RAB11FIP3: variants seen among roughly 807,000 people sequenced by gnomAD.
The protein encoded by RAB11FIP3 is RAB11 family interacting protein 3.
Under a neutral mutation model 77.8 loss-of-function variants are expected in RAB11FIP3, and 17 were observed. The ratio of observed to expected loss-of-function variants is 0.22; its 90% CI spans 0.15 to 0.33. The LOEUF is 0.33. RAB11FIP3 is among the 10% of genes least tolerant of loss of function. RAB11FIP3 has a pLI of 1.00. For missense variants in RAB11FIP3, 1,005 were observed against 1,011.2 expected (o/e 0.99, Z 0.08); for synonymous variants, 437 against 448.2 (o/e 0.98, Z 0.31).
rs117287674 is a variant in RAB11FIP3 at position 517,718 on chromosome 16, C to G, written c.1641-1225C>G. On this transcript the variant is annotated intron_variant, in intron 9 of 13. Coordinates refer to ENST00000262305, the MANE Select transcript of RAB11FIP3 (RefSeq NM_014700.4). ...ATAACACCACAGTGAAGAACAGTGA[C>G]CACACCAAGGGAGGCCAGTGCAGGG... is the stretch of plus-strand genomic sequence containing the variant. Among the ~76,000 whole-genome samples the G allele has an allele frequency of 7.2e-5, 11 of 152,332 alleles. No homozygotes were observed. In the East Asian group the frequency reaches 1.7e-3, roughly 24 times the overall value.
intron 7 of RAB11FIP3, 97 bp downstream of exon 7, chr16:503,194 C>T (rs2031627841): frequency 9.6e-6 from 9 of 939,102 alleles, no homozygotes; most frequent in Non-Finnish European, 1.4e-5. Flanking sequence ...GGGGACAGCA[C>T]AGCCGGAGGT....
At position 507,641 on chromosome 16, in the gene RAB11FIP3, G is replaced by C. The variant is rs115912087; in HGVS notation, c.1499+2014G>C. Among the ~76,000 whole-genome samples, 2 of 152,192 alleles carry C rather than the reference G, an allele frequency of 1.3e-5. No individual in the cohort carries two copies. Among genetic ancestry groups the C allele is most frequent in the Non-Finnish European group, 2.9e-5 (2 of 68,036 alleles). Reference sequence around the variant, plus strand: ...TGTGTGGTGTGAAGTCCACACTGCCGCCTGGCACCACCCACTGACCGTCTG... The same window carrying C: ...TGTGTGGTGTGAAGTCCACACTGCCCCCTGGCACCACCCACTGACCGTCTG... On this transcript the variant is annotated intron_variant, in intron 8 of 13. Transcript: ENST00000262305. This position sits in a 1 kb window ranked among gnomAD's most constrained non-coding sequence, Gnocchi z 4.6.
chr16:482,882 C>T (rs2056075022), intron 4 of RAB11FIP3, 146 bp downstream of exon 4: 1 of 850,930 alleles, frequency 1.2e-6, no homozygotes, highest in Admixed American at 2.5e-5. Flanking sequence ...GCAGTAGCTC[C>T]TGACCTTCCT....
chr16:508,315 G>T (rs942323012), intron 8 of RAB11FIP3, among the ~76,000 whole-genome samples: 10 of 152,192 alleles, frequency 6.6e-5, no homozygotes, highest in African/African-American at 1.7e-4. Context: ...CTTGGAGGAG[G>T]ATCTTGTATT....
chr16:456,283 C>G (rs910354375), intron 1 of RAB11FIP3, among the ~76,000 whole-genome samples: 1 of 151,674 alleles, frequency 6.6e-6, no homozygotes, highest in Non-Finnish European at 1.5e-5. Flanking sequence ...AACATTGTCT[C>G]TACCAAAAAT....
intron 9 of RAB11FIP3, among the ~76,000 whole-genome samples, chr16:517,269 G>A (rs1338006816): frequency 2.6e-5 from 4 of 152,156 alleles, no homozygotes; most frequent in East Asian, 3.9e-4. Flanking sequence ...GGGGACGGAG[G>A]AGACAAAATG....
chr16:465,046 C>G (rs1241755820), intron 2 of RAB11FIP3, among the ~76,000 whole-genome samples: 1 of 152,108 alleles, frequency 6.6e-6, no homozygotes, highest in Non-Finnish European at 1.5e-5. Context: ...TGCTTCTTTT[C>G]TAATCATTGG....
chr16:458,816 CCACACTTCTTT>C (rs1429205113), intron 1 of RAB11FIP3, among the ~76,000 whole-genome samples: 3 of 152,202 alleles, frequency 2.0e-5, no homozygotes, highest in African/African-American at 7.2e-5. Context: ...TCTCCCTGGC[CCACACTTCTTT>C]CTTCTTTGCT....
intron 5 of RAB11FIP3, among the ~76,000 whole-genome samples, chr16:492,508 C>T (rs1347387234): frequency 1.7e-5 from 2 of 119,690 alleles, no homozygotes; most frequent in Non-Finnish European, 2.0e-5. Context: ...CCGAGGCCGC[C>T]CAGGGCCCTC....
rs541189604 is a variant in RAB11FIP3 at position 439,655 on chromosome 16, A to G, written c.714+12935A>G. ...CGTGACACAGCCTCAGGTACTCCTG[A>G]TGACATGTGCCCAAGGTGACTGGGG... On this transcript the variant is annotated intron_variant, in intron 1 of 13. Coordinates refer to ENST00000262305, the MANE Select transcript of RAB11FIP3 (RefSeq NM_014700.4). Among the ~76,000 whole-genome samples the G allele has an allele frequency of 7.9e-5, 12 of 152,240 alleles. No individual in the cohort carries two copies. In the East Asian group the frequency reaches 2.1e-3, roughly 27 times the overall value.
At chr16:501,444 A>G (rs768240864) in intron 6 of RAB11FIP3, among the ~76,000 whole-genome samples, 35 of 150,020 alleles carry the variant, frequency 2.3e-4, no homozygotes, top group Middle Eastern at 3.4e-3. Flanking sequence ...TTCATAGGCA[A>G]GGAAGCTCGG....
rs202238683 is a variant in RAB11FIP3, at chr16:439,792, A to C, written c.714+13072A>C. ...GACAACTCCAAGCAAAGGCAGGAAGACATGAAGCAGGGAGGGGCTTCCAGG... is the reference window on the plus strand; with the variant it reads ...GACAACTCCAAGCAAAGGCAGGAAGCCATGAAGCAGGGAGGGGCTTCCAGG... On this transcript the variant is annotated intron_variant, in intron 1 of 13. Transcript: ENST00000262305. 5.9e-5 allele frequency among the ~76,000 whole-genome samples: 9 copies of C among 152,220 alleles called. No individual in the cohort carries two copies. The East Asian group carries it at 1.7e-3, about 29-fold the overall frequency.
rs142219776 is a variant in RAB11FIP3 at position 428,753 on chromosome 16, A to G, written c.714+2033A>G. 1.8e-3 allele frequency among the ~76,000 whole-genome samples: 267 copies of G among 152,246 alleles called. 1 individual carries two copies. The highest frequency in any genetic ancestry group is 3.1e-3 in the Non-Finnish European group (208 of 68,026). ...GTGATAATATCTTACTGACTTTCAT[A>G]CAATTCTTTTTATTTGAGAAACATC... On this transcript the variant is annotated intron_variant, in intron 1 of 13. Coordinates refer to ENST00000262305, the MANE Select transcript of RAB11FIP3 (RefSeq NM_014700.4).
chr16:492,222 G>A (rs556408058), intron 5 of RAB11FIP3, among the ~76,000 whole-genome samples: 1 of 152,322 alleles, frequency 6.6e-6, no homozygotes, highest in African/African-American at 2.4e-5. Flanking sequence ...TCTGTGAAAT[G>A]CTGTGAAGCA....
In RAB11FIP3 at chr16:461,619, C is replaced by A. The variant is rs1567370318; in HGVS notation, c.808+122C>A. Reference sequence around the variant, plus strand: ...ACATCTTTCCTTCTCCTTGAAGCCCCCAACATACCCCAGGTTTCCAGGTGG... The same window carrying A: ...ACATCTTTCCTTCTCCTTGAAGCCCACAACATACCCCAGGTTTCCAGGTGG... On this transcript the variant is annotated intron_variant, in intron 2 of 13. Transcript: ENST00000262305. The surrounding 1 kb of genome is among the most constrained non-coding windows in gnomAD (Gnocchi z 4.5). The A allele has an allele frequency of 2.8e-6, 2 of 723,104 alleles. No individual in the cohort carries two copies. Among genetic ancestry groups the A allele is most frequent in the East Asian group, 2.9e-5 (1 of 34,776 alleles). The allele number at this position is 723,104 out of a possible 1,614,324, so 44.8% of individuals were successfully genotyped here. A position where few individuals can be genotyped will look rare whatever the true frequency, so the allele number is the denominator to read the frequency against.
Position 437,180 on chromosome 16 carries a change from A to C in RAB11FIP3, c.714+10460A>C, listed in dbSNP as rs549318168. On this transcript the variant is annotated intron_variant, in intron 1 of 13. Coordinates refer to ENST00000262305, the MANE Select transcript of RAB11FIP3 (RefSeq NM_014700.4). The stretch of plus-strand genomic sequence containing the variant: ...ATAGTCCCAGCTACTGGGGAGGCTA[A>C]GGCAGGAGAATCGTTTGAACCTGGG... Among the ~76,000 whole-genome samples, 46 of 152,162 alleles carry C rather than the reference A, an allele frequency of 3.0e-4. 1 individual carries two copies. Among genetic ancestry groups the C allele is most frequent in the African/African-American group, 9.6e-4 (40 of 41,492 alleles).
rs1021915482 is a variant in RAB11FIP3, at chr16:471,551, G to A, written c.903+162G>A. ...CACCGTGGGGCTCTGTGGCTGTGAC[G>A]GGAGGCCCACAGTTGTCTGTCCCAC... On this transcript the variant is annotated intron_variant, in intron 3 of 13. Transcript: ENST00000262305. This position sits in a 1 kb window ranked among gnomAD's most constrained non-coding sequence, Gnocchi z 4.4. 1.1e-4 allele frequency among the ~76,000 whole-genome samples: 17 copies of A among 152,144 alleles called. No individual in the cohort carries two copies. Among genetic ancestry groups the A allele is most frequent in the African/African-American group, 3.6e-4 (15 of 41,444 alleles).
chr16:446,005 G>A (rs573314569), intron 1 of RAB11FIP3, among the ~76,000 whole-genome samples: 83 of 152,212 alleles, frequency 5.5e-4, no homozygotes, highest in African/African-American at 1.9e-3. Flanking sequence ...ACAGAGACGA[G>A]GGTGCATCAT....
At position 488,885 on chromosome 16, in the gene RAB11FIP3, A is replaced by G; in HGVS notation, c.1150A>G (p.Ile384Val). 1 of 1,613,978 alleles carries G rather than the reference A, an allele frequency of 6.2e-7. No homozygotes were observed. The highest frequency in any genetic ancestry group is 8.5e-7 in the Non-Finnish European group (1 of 1,179,970). Residue 384 changes from isoleucine to valine, a missense_variant, in exon 5 of 14, where the codon ATC becomes GTC. By Grantham distance (29) the Ile-to-Val change is conservative (BLOSUM62 3). This residue lies in a region of RAB11FIP3 where 433 missense variants were observed against 436.1 expected (regional missense o/e 0.99). Coordinates refer to ENST00000262305, the MANE Select transcript of RAB11FIP3 (RefSeq NM_014700.4). ...HPHGQSVITV[I>V]GGEEHFEDYG... is the part of the protein sequence containing the mutation. ...CCATGGCCAGTCTGTCATCACGGTGATCGGGGGCGAGGAGCACTTTGAGGA... is the reference window on the plus strand; with the variant it reads ...CCATGGCCAGTCTGTCATCACGGTGGTCGGGGGCGAGGAGCACTTTGAGGA...
Sources: allele counts gnomAD v4.1 joint callset (sites outside exome capture counted in the v4.1 genomes callset), GRCh38; gene constraint gnomAD v4.1.1; regional missense constraint gnomAD v4.1.1; non-coding constraint Gnocchi (gnomAD v3.1); transcripts MANE v1.5; gene names NCBI Gene and HGNC (gene_info 2026-07-23, HGNC 2026-07-21).